The following KIF16B variants were observed in gnomAD, a reference collection of about 807,000 sequenced individuals.
KIF16B encodes kinesin-like protein KIF16B.
A neutral mutation model predicts 156.3 loss-of-function variants in KIF16B; 98 were observed. The observed-to-expected ratio is 0.63, with a 90% confidence interval of 0.53 to 0.74. The LOEUF is 0.74. KIF16B is among the 30% of genes least tolerant of loss of function. The probability of loss-of-function intolerance (pLI) is 0.00; values close to 1 mark genes in which losing one functional copy is unlikely to be tolerated. For synonymous variants in KIF16B, 564 were observed against 583.7 expected, an observed-to-expected ratio of 0.97 and a Z score of 0.49; for missense variants, 1,421 against 1,606.5, an observed-to-expected ratio of 0.88 and a Z score of 1.97.
Position 16,411,929 on chromosome 20 carries a change from CGTGTGTGTGT to C in KIF16B, c.1613-5483_1613-5474del, listed in dbSNP as rs36019156. 3.1e-3 allele frequency among the ~76,000 whole-genome samples: 418 copies of C among 134,074 alleles called. 5 individuals carry two copies. In the South Asian group the frequency reaches 0.046, roughly 15 times the overall value. 88.0% of individuals were successfully genotyped at this position (134,074 alleles called of 152,430 possible). On this transcript the variant is annotated intron_variant, in intron 15 of 25. Coordinates refer to ENST00000354981, the MANE Select transcript of KIF16B (RefSeq NM_024704.5). ...CGGATTTCTGATGAGGAATGTTCAA[CGTGTGTGTGT>C]GTGTGTGTGTGTGTGTGTGTGTGTG...
chr20:16,368,676 C>T (rs1249425227), intron 22 of KIF16B: 1 of 985,824 alleles, frequency 1.0e-6, no homozygotes, highest in East Asian at 1.1e-4. Flanking sequence ...CCAACTCTTC[C>T]TCACCTTGCT....
At chr20:16,343,968 G>A (rs188632769) in intron 23 of KIF16B, among the ~76,000 whole-genome samples, 10 of 152,268 alleles carry the variant, frequency 6.6e-5, no homozygotes, top group African/African-American at 2.2e-4. Context: ...GGGTGTGCCT[G>A]CTCAATAACT....
At chr20:16,446,555 A>G (rs1443706735) in intron 12 of KIF16B, among the ~76,000 whole-genome samples, 1 of 152,152 alleles carries the variant, frequency 6.6e-6, no homozygotes, top group East Asian at 1.9e-4. Context: ...TGCTTTATTA[A>G]CCCAATTAAA....
intron 25 of KIF16B, among the ~76,000 whole-genome samples, chr20:16,296,208 G>A (rs1020985414): frequency 6.6e-6 from 1 of 152,202 alleles, no homozygotes; most frequent in Non-Finnish European, 1.5e-5. Context: ...AGGCAGGCAA[G>A]CCACCTTCAG....
At chr20:16,487,764 T>C (rs1341332110) in intron 12 of KIF16B, among the ~76,000 whole-genome samples, 1 of 152,162 alleles carries the variant, frequency 6.6e-6, no homozygotes, top group Non-Finnish European at 1.5e-5. Context: ...GGCCCTGTAG[T>C]ATCCTGCCTC....
chr20:16,420,748 A>T (rs1239217446), intron 15 of KIF16B, among the ~76,000 whole-genome samples: 2 of 152,100 alleles, frequency 1.3e-5, no homozygotes, highest in Non-Finnish European at 2.9e-5. Flanking sequence ...GGCCAAATAC[A>T]GTGAGGTCCA....
At chr20:16,468,185 T>C (rs1193415359) in intron 12 of KIF16B, among the ~76,000 whole-genome samples, 2 of 152,106 alleles carry the variant, frequency 1.3e-5, no homozygotes, top group Admixed American at 6.5e-5. Flanking sequence ...GAAAAAGAAA[T>C]ACCATGCTAC....
chr20:16,369,528 G>A (rs1381039542), intron 22 of KIF16B, among the ~76,000 whole-genome samples: 2 of 152,150 alleles, frequency 1.3e-5, no homozygotes, highest in African/African-American at 2.4e-5. Flanking sequence ...TTGATCCACA[G>A]TACCCACGTC....
chr20:16,368,947 G>A, intron 22 of KIF16B: 2 of 985,772 alleles, frequency 2.0e-6, no homozygotes, highest in Non-Finnish European at 2.4e-6. Context: ...TGCATCATCG[G>A]TGTTACTTTC....
chr20:16,427,785 CTG>C (rs2066395349), intron 14 of KIF16B, among the ~76,000 whole-genome samples: 1 of 152,112 alleles, frequency 6.6e-6, no homozygotes, highest in East Asian at 1.9e-4. Flanking sequence ...TTGCCTGAGC[CTG>C]TGTCAATTCT....
chr20:16,558,502 C>T (rs1204119353), intron 1 of KIF16B, among the ~76,000 whole-genome samples: 1 of 152,244 alleles, frequency 6.6e-6, no homozygotes, highest in Non-Finnish European at 1.5e-5. Context: ...ATAAAAGAGG[C>T]TCCAGGATAT....
chr20:16,548,550 T>C (rs2070503238), intron 1 of KIF16B, among the ~76,000 whole-genome samples: 1 of 152,208 alleles, frequency 6.6e-6, no homozygotes, highest in African/African-American at 2.4e-5. Flanking sequence ...AACCCTATCG[T>C]AAATGGCGCG....
At chr20:16,539,996 G>A (rs2070132565) in intron 1 of KIF16B, among the ~76,000 whole-genome samples, 1 of 152,160 alleles carries the variant, frequency 6.6e-6, no homozygotes, top group South Asian at 2.1e-4. Context: ...TACATACTAT[G>A]AACCAATATT....
At chr20:16,327,465 T>A (rs1261413841) in intron 24 of KIF16B, among the ~76,000 whole-genome samples, 1 of 151,898 alleles carries the variant, frequency 6.6e-6, no homozygotes, top group South Asian at 2.1e-4. Context: ...AAAAATCAAC[T>A]AATGCTCCCA....
intron 17 of KIF16B, among the ~76,000 whole-genome samples, chr20:16,393,599 C>T (rs2065423390): frequency 6.6e-6 from 1 of 152,190 alleles, no homozygotes; most frequent in African/African-American, 2.4e-5. Context: ...GAATTATTCC[C>T]TTAAACACCT....
chr20:16,473,726 C>T lies in KIF16B; in HGVS notation c.1302+20565G>A, dbSNP rs80073471. Among the ~76,000 whole-genome samples the T allele has an allele frequency of 8.8e-3, 1,339 of 152,276 alleles. 25 individuals are homozygous for T. Among genetic ancestry groups the T allele is most frequent in the African/African-American group, 0.03 (1,233 of 41,558 alleles). Reference sequence around the variant, plus strand: ...AGGTAGGATAAGATCAGCTCTAAGACTCCATCCATTTTGAATTCATTCTGT... The same window carrying T: ...AGGTAGGATAAGATCAGCTCTAAGATTCCATCCATTTTGAATTCATTCTGT... On this transcript the variant is annotated intron_variant, in intron 12 of 25. Coordinates refer to ENST00000354981, the MANE Select transcript of KIF16B (RefSeq NM_024704.5).
At chr20:16,328,913 G>C (rs1054810345) in intron 24 of KIF16B, among the ~76,000 whole-genome samples, 3 of 152,286 alleles carry the variant, frequency 2.0e-5, no homozygotes, top group Non-Finnish European at 4.4e-5. Flanking sequence ...CCAACAAATT[G>C]TAGGTTAAAT....
intron 1 of KIF16B, among the ~76,000 whole-genome samples, chr20:16,563,019 G>C (rs1283789811): frequency 6.6e-6 from 1 of 152,188 alleles, no homozygotes; most frequent in African/African-American, 2.4e-5. Context: ...TACATTGAAA[G>C]CATTAACTTT....
intron 1 of KIF16B, among the ~76,000 whole-genome samples, chr20:16,565,650 A>G (rs1259554352): frequency 1.3e-5 from 2 of 152,188 alleles, no homozygotes; most frequent in Non-Finnish European, 2.9e-5. Context: ...ATTCACTTCC[A>G]CCACAGCAAC....
Sources: allele counts gnomAD v4.1 joint callset (sites outside exome capture counted in the v4.1 genomes callset), GRCh38; gene constraint gnomAD v4.1.1; transcripts MANE v1.5; gene names NCBI Gene and HGNC (gene_info 2026-07-23, HGNC 2026-07-21).